LRP1B: variants seen among roughly 807,000 people sequenced by gnomAD.
LRP1B encodes LDL receptor related protein 1B.
In LRP1B, 217 loss-of-function variants were observed where a neutral mutation model predicts 556.6. That is an observed-to-expected ratio of 0.39 (90% CI 0.35 to 0.44). The LOEUF is 0.44. Among genes scored for constraint, LRP1B ranks in the 20% least tolerant of loss-of-function variants. The pLI, the probability that LRP1B is intolerant of heterozygous loss-of-function variation, is 1.00. For synonymous variants in LRP1B, 2,047 were observed against 1,865.8 expected (o/e 1.10, Z -2.50); for missense variants, 5,053 against 5,620.8 (o/e 0.90, Z 3.23).
At chr2:140,328,030 TAC>T (rs1208708202) in intron 79 of LRP1B, among the ~76,000 whole-genome samples, 3 of 152,034 alleles carry the variant, frequency 2.0e-5, no homozygotes, top group Admixed American at 6.6e-5. Flanking sequence ...CTTTTCCTGT[TAC>T]AGAGATGAGA....
At chr2:140,943,357 A>T (rs190190958) in intron 20 of LRP1B, among the ~76,000 whole-genome samples, 2 of 152,150 alleles carry the variant, frequency 1.3e-5, no homozygotes, top group East Asian at 3.9e-4. Flanking sequence ...CATTAGACAG[A>T]CTGTGAAGGC....
At chr2:140,845,359 A>G (rs796965612) in intron 29 of LRP1B, among the ~76,000 whole-genome samples, 27 of 152,288 alleles carry the variant, frequency 1.8e-4, no homozygotes, top group African/African-American at 6.3e-4. Flanking sequence ...AAAGAAAGGG[A>G]AAAATAAAGT....
At chr2:141,984,967 A>C (rs917730654) in intron 1 of LRP1B, among the ~76,000 whole-genome samples, 1 of 152,132 alleles carries the variant, frequency 6.6e-6, no homozygotes, top group Non-Finnish European at 1.5e-5. Flanking sequence ...TCAGTGCCAG[A>C]TTCTCTTTGG....
intron 6 of LRP1B, among the ~76,000 whole-genome samples, chr2:141,199,562 C>T (rs1335009852): frequency 1.3e-5 from 2 of 152,178 alleles, no homozygotes; most frequent in African/African-American, 2.4e-5. Context: ...ACTGCAGTCA[C>T]ACTTGTCTGC....
chr2:141,863,713 C>G (rs1278853351), intron 1 of LRP1B, among the ~76,000 whole-genome samples: 2 of 152,070 alleles, frequency 1.3e-5, no homozygotes, highest in Non-Finnish European at 2.9e-5. Context: ...GAAAAGTATC[C>G]AAAGCACTTA....
chr2:140,731,150 G>A (rs1687762994), intron 35 of LRP1B, among the ~76,000 whole-genome samples: 1 of 152,158 alleles, frequency 6.6e-6, no homozygotes, highest in Non-Finnish European at 1.5e-5. Flanking sequence ...AAACCTTACT[G>A]ACTATCACAG....
chr2:140,339,681 A>G (rs564730802), intron 77 of LRP1B, among the ~76,000 whole-genome samples: 1 of 151,834 alleles, frequency 6.6e-6, no homozygotes, highest in South Asian at 2.1e-4. Context: ...ATGTAAAATA[A>G]TGACTACACA....
At chr2:140,303,020 TATATATA>T (rs1558784674) in intron 83 of LRP1B, among the ~76,000 whole-genome samples, 3 of 97,882 alleles carry the variant, frequency 3.1e-5, no homozygotes, top group Non-Finnish European at 5.8e-5. Context: ...TTCATATATA[TATATATA>T]TATATATATA....
At chr2:141,886,974 T>TGGGGGGG (rs1394811924) in intron 1 of LRP1B, among the ~76,000 whole-genome samples, 1 of 103,368 alleles carries the variant, frequency 9.7e-6, no homozygotes, top group Non-Finnish European at 2.0e-5. Context: ...CTTTTTTTTT[T>TGGGGGGG]TTTTTGGGTT....
intron 72 of LRP1B, among the ~76,000 whole-genome samples, chr2:140,361,665 C>G (rs1573845811): frequency 6.6e-6 from 1 of 151,234 alleles, no homozygotes; most frequent in South Asian, 2.1e-4. Flanking sequence ...TTACCTGAGT[C>G]TCTTCTGCCA....
At chr2:140,510,194 T>A in intron 51 of LRP1B, 138 bp from the exon 52 acceptor site, 1 of 819,676 alleles carries the variant, frequency 1.2e-6, no homozygotes, top group Non-Finnish European at 1.9e-6. Context: ...TGGGAATCAT[T>A]AAACATCATT....
At chr2:142,046,477 G>A (rs1158960623) in intron 1 of LRP1B, among the ~76,000 whole-genome samples, 1 of 151,790 alleles carries the variant, frequency 6.6e-6, no homozygotes, top group African/African-American at 2.4e-5. Context: ...AACAAATTAG[G>A]CTGCAGCTTG....
At chr2:140,959,443 C>A (rs1436206539) in intron 18 of LRP1B, among the ~76,000 whole-genome samples, 4 of 151,354 alleles carry the variant, frequency 2.6e-5, no homozygotes, top group African/African-American at 9.7e-5. Context: ...TCATATCTAA[C>A]AATGATAATT....
intron 25 of LRP1B, among the ~76,000 whole-genome samples, chr2:140,872,441 T>A (rs1416837132): frequency 6.8e-6 from 1 of 147,622 alleles, no homozygotes; most frequent in Admixed American, 6.9e-5. Flanking sequence ...AGGAAGAGTG[T>A]AGTTTAGACA....
chr2:141,262,754 T>C (rs1163197916), intron 3 of LRP1B, among the ~76,000 whole-genome samples: 1 of 152,178 alleles, frequency 6.6e-6, no homozygotes, highest in Non-Finnish European at 1.5e-5. Context: ...TACCCTTATG[T>C]TTCGTTAATC....
intron 5 of LRP1B, among the ~76,000 whole-genome samples, chr2:141,236,327 A>G (rs1402492141): frequency 1.3e-5 from 2 of 152,156 alleles, no homozygotes; most frequent in African/African-American, 4.8e-5. Context: ...CCCTTCTCTT[A>G]GCATTATGTT....
At chr2:141,992,854 G>A (rs1702385867) in intron 1 of LRP1B, among the ~76,000 whole-genome samples, 1 of 152,010 alleles carries the variant, frequency 6.6e-6, no homozygotes, top group Non-Finnish European at 1.5e-5. Flanking sequence ...CTATAAAGTT[G>A]TTTTAATTGC....
chr2:141,921,693 T>C (rs1396816878), intron 1 of LRP1B, among the ~76,000 whole-genome samples: 1 of 152,064 alleles, frequency 6.6e-6, no homozygotes, highest in Non-Finnish European at 1.5e-5. Context: ...CTAATGCTTC[T>C]CATCAATTAT....
At position 140,493,941 on chromosome 2, in the gene LRP1B, T is replaced by C. The variant is rs564601717; in HGVS notation, c.9035-1248A>G. Reference sequence around the variant, plus strand: ...ACTCAGAATACTTCTCAACACAGAATTGGCTCTCGAGTTGAAGGTGCCTTG... The same window carrying C: ...ACTCAGAATACTTCTCAACACAGAACTGGCTCTCGAGTTGAAGGTGCCTTG... On this transcript the variant is annotated intron_variant, in intron 56 of 90. Coordinates refer to ENST00000389484, the MANE Select transcript of LRP1B (RefSeq NM_018557.3). Among the ~76,000 whole-genome samples, 8 of 152,308 alleles carry C rather than the reference T, an allele frequency of 5.3e-5. No homozygotes were observed. In the East Asian group the frequency reaches 1.5e-3, roughly 29 times the overall value.
Sources: gnomAD v4.1 joint callset for allele counts (sites outside exome capture counted in the v4.1 genomes callset) on GRCh38, gnomAD v4.1.1 for gene constraint, MANE v1.5 for transcripts, NCBI Gene and HGNC (gene_info 2026-07-23, HGNC 2026-07-21) for gene names.